NOL4L: variants seen among roughly 807,000 people sequenced by gnomAD.
The protein encoded by NOL4L is nucleolar protein 4 like, also known as nucleolar protein 4-like.
A neutral mutation model predicts 64.5 loss-of-function variants in NOL4L; 7 were observed. The ratio of observed to expected loss-of-function variants is 0.11; its 90% confidence interval spans 0.06 to 0.20. NOL4L has a LOEUF of 0.20. Ranked by LOEUF, NOL4L falls within the 10% of genes least tolerant of loss-of-function variation. The pLI is 1.00. For synonymous variants in NOL4L, 413 were observed against 401.0 expected, an observed-to-expected ratio of 1.03 and a Z score of -0.36; for missense variants, 680 against 967.1, an observed-to-expected ratio of 0.70 and a Z score of 3.94.
chr20:32,566,691 AT>A (rs1490373091), intron 1 of NOL4L, among the ~76,000 whole-genome samples: 1 of 152,074 alleles, frequency 6.6e-6, no homozygotes, highest in African/African-American at 2.4e-5. Context: ...AAAATGTCAC[AT>A]TTTATAGCTG....
At chr20:32,482,884 C>T (rs1227842668) in intron 4 of NOL4L, among the ~76,000 whole-genome samples, 3 of 152,032 alleles carry the variant, frequency 2.0e-5, no homozygotes, top group Non-Finnish European at 4.4e-5. Flanking sequence ...AGCCCGGCCC[C>T]CGCCCCGCCG....
intron 1 of NOL4L, among the ~76,000 whole-genome samples, chr20:32,534,791 G>A (rs1006881625): frequency 1.3e-5 from 2 of 151,686 alleles, no homozygotes; most frequent in African/African-American, 2.4e-5. Context: ...TGAGGTGGGA[G>A]GATCACTTGA....
intron 1 of NOL4L, among the ~76,000 whole-genome samples, chr20:32,550,209 T>A (rs1262958586): frequency 6.6e-6 from 1 of 152,224 alleles, no homozygotes; most frequent in Non-Finnish European, 1.5e-5. Context: ...AGCCTATTAT[T>A]GTACTGAATA....
chr20:32,455,434 G>C (rs1371367498), intron 6 of NOL4L, among the ~76,000 whole-genome samples: 1 of 152,230 alleles, frequency 6.6e-6, no homozygotes, highest in Non-Finnish European at 1.5e-5. Flanking sequence ...CTCTGCAGAA[G>C]AGAAAACAGG....
At chr20:32,455,037 G>C (rs1047399809) in intron 6 of NOL4L, among the ~76,000 whole-genome samples, 18 of 152,298 alleles carry the variant, frequency 1.2e-4, no homozygotes, top group South Asian at 6.2e-4. Flanking sequence ...GAGGGCCCCC[G>C]CTGGCTACCA....
intron 5 of NOL4L, among the ~76,000 whole-genome samples, chr20:32,459,697 TAA>T (rs1253825223): frequency 5.9e-5 from 9 of 152,178 alleles, no homozygotes; most frequent in Admixed American, 2.0e-4. Flanking sequence ...GGCTAATTTT[TAA>T]AGTTTTCTTT....
At chr20:32,566,014 CAGCCTGGGCA>C (rs1979407194) in intron 1 of NOL4L, among the ~76,000 whole-genome samples, 1 of 152,200 alleles carries the variant, frequency 6.6e-6, no homozygotes, top group Non-Finnish European at 1.5e-5. Flanking sequence ...CACTGCACTC[CAGCCTGGGCA>C]ACAGAGCAAG....
chr20:32,469,103 C>T (rs548780260), intron 5 of NOL4L, among the ~76,000 whole-genome samples: 2 of 151,894 alleles, frequency 1.3e-5, no homozygotes, highest in African/African-American at 4.8e-5. Flanking sequence ...AGGCTGGGCA[C>T]ACAGCAGGGT....
intron 1 of NOL4L, among the ~76,000 whole-genome samples, chr20:32,557,363 A>T (rs1978724128): frequency 6.6e-6 from 1 of 152,186 alleles, no homozygotes; most frequent in East Asian, 1.9e-4. Context: ...CTTTCTCAAC[A>T]TCTCCTTGGT....
At chr20:32,483,406 T>A (rs934466493) in intron 4 of NOL4L, 1 of 985,118 alleles carries the variant, frequency 1.0e-6, no homozygotes, top group Non-Finnish European at 1.2e-6. Context: ...GATCCGCGAG[T>A]GAGCGGGGCG....
At chr20:32,458,476 C>T (rs1260452409) in intron 5 of NOL4L, among the ~76,000 whole-genome samples, 1 of 152,188 alleles carries the variant, frequency 6.6e-6, no homozygotes. Context: ...ATCGTGAGGG[C>T]CATCTGCCCC....
intron 5 of NOL4L, among the ~76,000 whole-genome samples, chr20:32,471,851 C>T (rs1026322330): frequency 6.6e-5 from 10 of 152,160 alleles, no homozygotes; most frequent in African/African-American, 2.2e-4. Flanking sequence ...TGAGACATGC[C>T]TGCTCCCCCT....
In NOL4L at chr20:32,462,903, T is replaced by TA. The variant is rs564168973; in HGVS notation, c.842-6509dup. Among the ~76,000 whole-genome samples, 398 of 76,626 alleles carry TA rather than the reference T, an allele frequency of 5.2e-3. 12 individuals carry two copies. Among genetic ancestry groups the TA allele is most frequent in the Non-Finnish European group, 6.6e-3 (273 of 41,172 alleles). The allele number at this position is 76,626 out of a possible 152,430, so 50.3% of individuals were successfully genotyped here. On this transcript the variant is annotated intron_variant, in intron 5 of 10. Coordinates refer to ENST00000621426, the MANE Select transcript of NOL4L (RefSeq NM_001256798.2). ...CTGGCGACAAAGCGAGACTCTGTCT[T>TA]AAAAAAAAAAAAAAAAAAAACTGAT...
intron 4 of NOL4L, among the ~76,000 whole-genome samples, chr20:32,477,098 G>A (rs2015443323): frequency 6.6e-6 from 1 of 152,196 alleles, no homozygotes; most frequent in Admixed American, 6.5e-5. Flanking sequence ...TCTCTAGGTT[G>A]GAGAAAGGCT....
At chr20:32,495,644 C>T (rs1449609822) in intron 4 of NOL4L, among the ~76,000 whole-genome samples, 1 of 152,154 alleles carries the variant, frequency 6.6e-6, no homozygotes, top group Non-Finnish European at 1.5e-5. Flanking sequence ...ACCTGCTGAT[C>T]TAGTAACAGG....
At chr20:32,461,518 G>A (rs773442409) in intron 5 of NOL4L, among the ~76,000 whole-genome samples, 8 of 149,390 alleles carry the variant, frequency 5.4e-5, no homozygotes, top group Non-Finnish European at 8.9e-5. Context: ...CGCCTCCCGG[G>A]TTCATGCCAT....
At chr20:32,493,323 G>GACAGA (rs1280404495) in intron 4 of NOL4L, among the ~76,000 whole-genome samples, 36 of 152,152 alleles carry the variant, frequency 2.4e-4, no homozygotes, top group Non-Finnish European at 1.2e-4. Context: ...GTCCCTTCAT[G>GACAGA]ACAGAGCCCA....
rs536658172 is a variant in NOL4L, at chr20:32,475,547, C to T, written c.700-805G>A. Among the ~76,000 whole-genome samples, 16 of 152,358 alleles carry T rather than the reference C, an allele frequency of 1.1e-4. No homozygotes were observed. In the East Asian group the frequency reaches 2.5e-3, roughly 24 times the overall value. On this transcript the variant is annotated intron_variant, in intron 4 of 10. Coordinates refer to ENST00000621426, the MANE Select transcript of NOL4L (RefSeq NM_001256798.2). ...GCCAGTCATCCGGGAACCCCCGGGG[C>T]GGGGCCCCTTCAACCCAGCCCTCCA... is the stretch of plus-strand genomic sequence containing the variant.
At chr20:32,544,898 C>T (rs1234716309) in intron 1 of NOL4L, among the ~76,000 whole-genome samples, 1 of 152,174 alleles carries the variant, frequency 6.6e-6, no homozygotes, top group Non-Finnish European at 1.5e-5. Context: ...AAGGTGAGTA[C>T]TATTATTATT....
Sources: gnomAD v4.1 joint callset for allele counts (sites outside exome capture counted in the v4.1 genomes callset) on GRCh38, gnomAD v4.1.1 for gene constraint, MANE v1.5 for transcripts, NCBI Gene and HGNC (gene_info 2026-07-23, HGNC 2026-07-21) for gene names.